MROH1: variants seen among roughly 807,000 people sequenced by gnomAD.
MROH1 encodes the protein maestro heat-like repeat-containing protein family member 1.
A neutral mutation model predicts 116.5 loss-of-function variants in MROH1; 117 were observed. That is an observed-to-expected ratio of 1.00 (90% CI 0.86 to 1.17). The LOEUF (loss-of-function observed/expected upper bound fraction) is 1.17, where lower values mean the gene tolerates loss of function less well. Among genes scored for constraint, MROH1 ranks in the 50% most tolerant of loss-of-function variants. MROH1 has a pLI of 0.00. For synonymous variants in MROH1, 921 were observed against 583.9 expected (o/e 1.58, Z -8.32); for missense variants, 1,873 against 1,338.5 (o/e 1.40, Z -6.23).
intron 10 of MROH1, among the ~76,000 whole-genome samples, chr8:144,198,918 G>A (rs1279758085): frequency 6.6e-6 from 1 of 152,152 alleles, no homozygotes; most frequent in East Asian, 1.9e-4. Context: ...CTGGTCCCTG[G>A]AGGGCCTCTG....
intron 35 of MROH1, among the ~76,000 whole-genome samples, chr8:144,257,627 ACCAT>A (rs1172810868): frequency 1.1e-4 from 16 of 151,986 alleles, no homozygotes; most frequent in African/African-American, 3.6e-4. Context: ...GGCCTCACAC[ACCAT>A]CCAGGCGAGT....
intron 7 of MROH1, 84 bp from the exon 8 acceptor site, chr8:144,190,700 G>A: frequency 6.6e-7 from 1 of 1,522,168 alleles, no homozygotes; most frequent in Non-Finnish European, 8.9e-7. Context: ...TGGGATTTCT[G>A]GAAGGGGCAG....
intron 10 of MROH1, among the ~76,000 whole-genome samples, chr8:144,198,047 CA>C (rs11366876): frequency 0.56 from 65,139 of 116,768 alleles, 15,739 homozygotes; most frequent in East Asian, 0.69. Flanking sequence ...AAAACTGTTT[CA>C]AAAAAAAAAA....
At chr8:144,257,286 G>A (rs2129792394) in intron 35 of MROH1, among the ~76,000 whole-genome samples, 1 of 152,274 alleles carries the variant, frequency 6.6e-6, no homozygotes, top group South Asian at 2.1e-4. Context: ...GAACCCGTGA[G>A]AGAGAGGAGC....
intron 12 of MROH1, among the ~76,000 whole-genome samples, chr8:144,217,721 A>G (rs1185667383): frequency 2.0e-5 from 3 of 152,158 alleles, no homozygotes; most frequent in Non-Finnish European, 4.4e-5. Flanking sequence ...CTTGCACCTC[A>G]GCCTCCCGAG....
chr8:144,163,959 T>C lies in MROH1; in HGVS notation c.22+111T>C, dbSNP rs1214122131. Reference sequence around the variant, plus strand: ...CCAATGGTGCCTAGAGTTTCCACCCTATACTCGGGAGCCTGAGTGGGTTCT... The same window carrying C: ...CCAATGGTGCCTAGAGTTTCCACCCCATACTCGGGAGCCTGAGTGGGTTCT... On this transcript the variant is annotated intron_variant, in intron 3 of 43. Transcript: ENST00000326134. The surrounding 1 kb of genome is among the most constrained non-coding windows in gnomAD (Gnocchi z 4.4). 7 of 1,169,614 alleles carry C rather than the reference T, an allele frequency of 6.0e-6. No individual in the cohort carries two copies. The highest frequency in any genetic ancestry group is 8.6e-6 in the Non-Finnish European group (7 of 817,410). The allele number at this position is 1,169,614 out of a possible 1,614,324, so 72.5% of individuals were successfully genotyped here.
At chr8:144,186,027 C>CCAGG (rs1486926221) in intron 7 of MROH1, among the ~76,000 whole-genome samples, 1 of 152,154 alleles carries the variant, frequency 6.6e-6, no homozygotes, top group Non-Finnish European at 1.5e-5. Context: ...GTGCCACTTC[C>CCAGG]CAGGCAGTGC....
At position 144,247,566 on chromosome 8, in the gene MROH1, G is replaced by A. The variant is rs1418112319; in HGVS notation, c.3008-1G>A. ...GACTGCTCATTCCTGCCGCCTCTCA[G>A]GCTTCTCCCGGGACTACCGCGATGA... On this transcript the variant is annotated splice_acceptor_variant, in intron 30 of 43. Coordinates refer to ENST00000326134, the MANE Select transcript of MROH1 (RefSeq NM_032450.3). LOFTEE classifies it high-confidence loss of function. The A allele has an allele frequency of 7.8e-6, 6 of 773,884 alleles. No homozygotes were observed. Among genetic ancestry groups the A allele is most frequent in the African/African-American group, 3.4e-5 (2 of 59,040 alleles). The allele number at this position is 773,884 out of a possible 1,614,324, so 47.9% of individuals were successfully genotyped here.
rs556735990 is a variant in MROH1, at chr8:144,173,305, G to A, written c.168+4865G>A. 7.3e-5 allele frequency among the ~76,000 whole-genome samples: 11 copies of A among 151,506 alleles called. No homozygotes were observed. In the East Asian group the frequency reaches 1.2e-3, roughly 16 times the overall value. On this transcript the variant is annotated intron_variant, in intron 4 of 43. Coordinates refer to ENST00000326134, the MANE Select transcript of MROH1 (RefSeq NM_032450.3). The stretch of plus-strand genomic sequence containing the variant: ...GTAGTTTTAGTAGAGATTGGGTTTC[G>A]CCATGTTGGCCAGGTTGGTCATGAA...
At chr8:144,253,014 C>T (rs1433594707) in intron 33 of MROH1, among the ~76,000 whole-genome samples, 1 of 148,390 alleles carries the variant, frequency 6.7e-6, no homozygotes, top group East Asian at 2.0e-4. Flanking sequence ...ATTAGCTAGG[C>T]GTGGCAGCAC....
chr8:144,192,178 A>G, intron 9 of MROH1, 131 bp from the exon 10 acceptor site: 1 of 761,874 alleles, frequency 1.3e-6, no homozygotes, highest in Non-Finnish European at 2.1e-6. Context: ...TCCTCATTTG[A>G]GCCCCAAGGT....
At chr8:144,202,958 G>A (rs2131889983) in intron 12 of MROH1, among the ~76,000 whole-genome samples, 1 of 65,956 alleles carries the variant, frequency 1.5e-5, no homozygotes, top group Admixed American at 1.5e-4. Context: ...GGGGCGGGGA[G>A]GGGAGCGCCC....
intron 21 of MROH1, 123 bp from the exon 22 acceptor site, chr8:144,241,269 TTGA>T (rs1231966090): frequency 3.3e-5 from 23 of 692,104 alleles, no homozygotes; most frequent in Admixed American, 2.0e-4. Flanking sequence ...TGTGCATGTG[TTGA>T]TGTGTGTGCA....
rs556018963 is a variant in MROH1 at position 144,215,346 on chromosome 8, C to T, written c.1142-5254C>T. Among the ~76,000 whole-genome samples, 26 of 152,250 alleles carry T rather than the reference C, an allele frequency of 1.7e-4. No individual in the cohort carries two copies. The South Asian group carries it at 5.2e-3, about 30-fold the overall frequency. On this transcript the variant is annotated intron_variant, in intron 12 of 43. Transcript: ENST00000326134. ...CACTATAGGAAATGTACAGAAACAC[C>T]GTGGTGAGTGTGCGATGGGCTTACT...
chr8:144,247,076 G>C (rs1023544642), intron 29 of MROH1, among the ~76,000 whole-genome samples: 1 of 152,326 alleles, frequency 6.6e-6, no homozygotes, highest in African/African-American at 2.4e-5. Context: ...GTGTGGCCCT[G>C]GTGTAGACGA....
At chr8:144,223,019 G>A in intron 13 of MROH1, 89 bp from the exon 14 acceptor site, 1 of 1,556,404 alleles carries the variant, frequency 6.4e-7, no homozygotes, top group East Asian at 2.3e-5. Context: ...GATGTGGGTG[G>A]GAGGAAGACT....
chr8:144,151,738 G>A (rs1261074434), intron 1 of MROH1, among the ~76,000 whole-genome samples: 1 of 152,220 alleles, frequency 6.6e-6, no homozygotes, highest in Non-Finnish European at 1.5e-5. Context: ...GCCCACTGGG[G>A]CTTCAGGTGT....
At chr8:144,187,504 T>G (rs7015178) in intron 7 of MROH1, among the ~76,000 whole-genome samples, 150,596 of 152,364 alleles carry the variant, frequency 0.99, 74,443 homozygotes, top group East Asian at 1. Context: ...ATAAAATTGT[T>G]TATATAAAAT....
chr8:144,240,311 CT>C (rs1246814857), intron 19 of MROH1, among the ~76,000 whole-genome samples, 158 bp downstream of exon 19: 3 of 152,178 alleles, frequency 2.0e-5, no homozygotes, highest in Admixed American at 6.5e-5. Context: ...CCCCAGCAGC[CT>C]TGCAGCGGGG....
Sources: allele counts gnomAD v4.1 joint callset (sites outside exome capture counted in the v4.1 genomes callset), GRCh38; gene constraint gnomAD v4.1.1; non-coding constraint Gnocchi (gnomAD v3.1); transcripts MANE v1.5; gene names NCBI Gene and HGNC (gene_info 2026-07-23, HGNC 2026-07-21).